The following YY1 variants were observed in gnomAD, a reference collection of about 807,000 sequenced individuals.
YY1 encodes the protein YY1 transcription factor, also known as transcriptional repressor protein YY1.
Under a neutral mutation model 35.6 loss-of-function variants are expected in YY1, and 2 were observed. The observed-to-expected ratio is 0.06, with a 90% CI of 0.02 to 0.18. The LOEUF (loss-of-function observed/expected upper bound fraction) is 0.18. YY1 is among the 10% of genes least tolerant of loss of function. YY1 has a pLI of 1.00. For missense variants in YY1, 322 were observed against 573.4 expected (o/e 0.56, Z 4.48); for synonymous variants, 268 against 238.9 (o/e 1.12, Z -1.12).
chr14:100,271,674 CT>C (rs202133438), intron 2 of YY1, among the ~76,000 whole-genome samples: 4,679 of 146,284 alleles, frequency 0.032, 209 homozygotes, highest in East Asian at 0.098. Context: ...CAATTCTGTA[CT>C]TTTTTTTTTT....
chr14:100,276,456 A>T lies in YY1; in HGVS notation c.904-34A>T. 2 of 1,614,180 alleles carry T rather than the reference A, an allele frequency of 1.2e-6. No individual in the cohort carries two copies. Among genetic ancestry groups the T allele is most frequent in the Non-Finnish European group, 8.5e-7 (1 of 1,180,014 alleles). On this transcript the variant is annotated intron_variant, in intron 3 of 4. Coordinates refer to ENST00000262238, the MANE Select transcript of YY1 (RefSeq NM_003403.5). This position sits in a 1 kb window ranked among gnomAD's most constrained non-coding sequence, Gnocchi z 4.1. Reference sequence around the variant, plus strand: ...GTTGAATCCTTTCTAACAGTTTGCAATGTGAACTTCTAAGCTGCTTTCTCT... The same window carrying T: ...GTTGAATCCTTTCTAACAGTTTGCATTGTGAACTTCTAAGCTGCTTTCTCT...
chr14:100,248,265 A>G (rs758126604), intron 1 of YY1, among the ~76,000 whole-genome samples: 10 of 151,068 alleles, frequency 6.6e-5, no homozygotes, highest in South Asian at 2.1e-4. Flanking sequence ...ACAGGCGCCC[A>G]CCACCACGCC....
At chr14:100,244,585 C>T (rs1193999305) in intron 1 of YY1, among the ~76,000 whole-genome samples, 1 of 150,318 alleles carries the variant, frequency 6.7e-6, no homozygotes, top group African/African-American at 2.4e-5. Context: ...CTCCCCACCC[C>T]TTACTTTTTT....
intron 1 of YY1, among the ~76,000 whole-genome samples, chr14:100,247,705 C>T (rs2139571780): frequency 6.6e-6 from 1 of 152,318 alleles, no homozygotes; most frequent in South Asian, 2.1e-4. Flanking sequence ...ACTTTCATAA[C>T]AGCACGTAAG....
At chr14:100,251,348 A>G (rs961362169) in intron 1 of YY1, among the ~76,000 whole-genome samples, 1 of 152,258 alleles carries the variant, frequency 6.6e-6, no homozygotes, top group Non-Finnish European at 1.5e-5. Context: ...AGAAGCTAGA[A>G]TATGTGAGGG....
At position 100,276,301 on chromosome 14, in the gene YY1, T is replaced by G; in HGVS notation, c.904-189T>G. 2 of 745,182 alleles carry G rather than the reference T, an allele frequency of 2.7e-6. No homozygotes were observed. The highest frequency in any genetic ancestry group is 4.3e-6 in the Non-Finnish European group (2 of 467,490). The allele number at this position is 745,182 out of a possible 1,614,324, so 46.2% of individuals were successfully genotyped here. On this transcript the variant is annotated intron_variant, in intron 3 of 4. Coordinates refer to ENST00000262238, the MANE Select transcript of YY1 (RefSeq NM_003403.5). The surrounding 1 kb of genome is among the most constrained non-coding windows in gnomAD (Gnocchi z 4.1). ...CTGTAAAACTAGGGTTTGCATTGAA[T>G]GATGACTTTTTCAGCTGTCTGCTTT...
chr14:100,273,687 G>C (rs191391720), intron 2 of YY1, among the ~76,000 whole-genome samples: 2 of 152,170 alleles, frequency 1.3e-5, no homozygotes, highest in East Asian at 3.9e-4. Flanking sequence ...TATTAAATAT[G>C]AACCATCATG....
At chr14:100,253,053 A>G (rs182319562) in intron 1 of YY1, among the ~76,000 whole-genome samples, 79 of 152,290 alleles carry the variant, frequency 5.2e-4, no homozygotes, top group African/African-American at 1.6e-3. Context: ...AAAGGAAAAG[A>G]AAGAAAGAAA....
intron 1 of YY1, among the ~76,000 whole-genome samples, chr14:100,243,285 G>A (rs1035595192): frequency 6.6e-6 from 1 of 152,216 alleles, no homozygotes; most frequent in African/African-American, 2.4e-5. Flanking sequence ...CAGCATTACT[G>A]CTTTCGTGTA....
rs1595335397 is a variant in YY1, at chr14:100,277,800, A to G, written c.*200A>G. 1 of 612,260 alleles carries G rather than the reference A, an allele frequency of 1.6e-6. No homozygotes were observed. Among genetic ancestry groups the G allele is most frequent in the South Asian group, 2.1e-5 (1 of 47,870 alleles). The allele number at this position is 612,260 out of a possible 1,614,324, so 37.9% of individuals were successfully genotyped here. On this transcript the variant is annotated 3_prime_UTR_variant, in exon 5 of 5. Transcript: ENST00000262238. This position sits in a 1 kb window ranked among gnomAD's most constrained non-coding sequence, Gnocchi z 5.6. ...TAAGATGACATTGCTAAGATGCTCT[A>G]TCTTGCTCTGTAATCTCGTTTCAAA...
chr14:100,261,235 G>A (rs1310382124), intron 1 of YY1, among the ~76,000 whole-genome samples: 2 of 151,998 alleles, frequency 1.3e-5, no homozygotes, highest in Non-Finnish European at 2.9e-5. Flanking sequence ...TGTCACTCAG[G>A]CTGGAGGGCA....
intron 1 of YY1, 89 bp from the exon 2 acceptor site, chr14:100,262,215 C>T (rs1891094993): frequency 5.6e-6 from 8 of 1,416,808 alleles, no homozygotes; most frequent in Non-Finnish European, 7.8e-6. Flanking sequence ...CTATAAATCA[C>T]CCCATTTAAG....
At chr14:100,274,891 T>C in intron 3 of YY1, 133 bp downstream of exon 3, 1 of 938,352 alleles carries the variant, frequency 1.1e-6, no homozygotes, top group South Asian at 1.5e-5. Context: ...GGTTTCTAAA[T>C]CCAAGAGATG....
At chr14:100,240,966 C>T (rs1247851855) in intron 1 of YY1, among the ~76,000 whole-genome samples, 1 of 152,016 alleles carries the variant, frequency 6.6e-6, no homozygotes, top group Non-Finnish European at 1.5e-5. Context: ...TAATAGAAAG[C>T]GGGTTTTTTT....
At chr14:100,245,179 G>A (rs924764472) in intron 1 of YY1, among the ~76,000 whole-genome samples, 4 of 151,400 alleles carry the variant, frequency 2.6e-5, no homozygotes, top group Non-Finnish European at 5.9e-5. Context: ...CTCGTGATCC[G>A]CCTGCCTCGG....
intron 1 of YY1, among the ~76,000 whole-genome samples, chr14:100,241,225 A>T (rs1426475372): frequency 1.3e-5 from 2 of 152,240 alleles, no homozygotes; most frequent in Non-Finnish European, 2.9e-5. Context: ...GATTACGTTT[A>T]GTACTCCATA....
chr14:100,264,636 TGA>T (rs1891128022), intron 2 of YY1, among the ~76,000 whole-genome samples: 1 of 152,170 alleles, frequency 6.6e-6, no homozygotes, highest in South Asian at 2.1e-4. Flanking sequence ...CTGCAGACTT[TGA>T]GCTGGGGAGA....
At chr14:100,247,960 C>T (rs1249347210) in intron 1 of YY1, among the ~76,000 whole-genome samples, 1 of 151,892 alleles carries the variant, frequency 6.6e-6, no homozygotes, top group East Asian at 1.9e-4. Context: ...TTCTTTCTTT[C>T]TTTTTTACAG....
In YY1 at chr14:100,282,572, T is replaced by C. The variant is rs946050081; in HGVS notation, c.*4972T>C. 6.6e-6 allele frequency: 1 copy of C among 152,246 alleles called. No homozygotes were observed. The highest frequency in any genetic ancestry group is 1.9e-4 in the East Asian group (1 of 5,200). The allele number at this position is 152,246 out of a possible 1,614,324, so 9.4% of individuals were successfully genotyped here. On this transcript the variant is annotated 3_prime_UTR_variant, in exon 5 of 5. Transcript: ENST00000262238. ...CTCAAGGACTTAGCATTTCGTCTCA[T>C]GTACATCTTTTTCTTAAGTGTTCTT...
Sources: allele counts gnomAD v4.1 joint callset (sites outside exome capture counted in the v4.1 genomes callset), GRCh38; gene constraint gnomAD v4.1.1; non-coding constraint Gnocchi (gnomAD v3.1); transcripts MANE v1.5; gene names NCBI Gene and HGNC (gene_info 2026-07-23, HGNC 2026-07-21).